HCN2: variants seen among roughly 807,000 people sequenced by gnomAD.
The protein encoded by HCN2 is potassium/sodium hyperpolarization-activated cyclic nucleotide-gated channel 2.
Under a neutral mutation model 52.3 loss-of-function variants are expected in HCN2, and 20 were observed. The ratio of observed to expected loss-of-function variants is 0.38; its 90% CI spans 0.27 to 0.56. The LOEUF (loss-of-function observed/expected upper bound fraction) is 0.56. HCN2 is among the 20% of genes least tolerant of loss of function. The pLI is 0.71. For missense variants in HCN2, 981 were observed against 1,207.7 expected, an observed-to-expected ratio of 0.81 and a Z score of 2.78; for synonymous variants, 694 against 537.0, an observed-to-expected ratio of 1.29 and a Z score of -4.04.
At position 592,602 on chromosome 19, in the gene HCN2, T is replaced by C. The variant is rs1982906723; in HGVS notation, c.632+2025T>C. On this transcript the variant is annotated intron_variant, in intron 1 of 7. Coordinates refer to ENST00000251287, the MANE Select transcript of HCN2 (RefSeq NM_001194.4). This position sits in a 1 kb window ranked among gnomAD's most constrained non-coding sequence, Gnocchi z 4.8. ...GAACTGAGCAGGCAGGGAATGGGGTTAGCGGGGCCTGTCTTCGGGACTAGG... is the reference window on the plus strand; with the variant it reads ...GAACTGAGCAGGCAGGGAATGGGGTCAGCGGGGCCTGTCTTCGGGACTAGG... 6.6e-6 allele frequency among the ~76,000 whole-genome samples: 1 copy of C among 151,722 alleles called. No homozygotes were observed. The highest frequency in any genetic ancestry group is 6.6e-5 in the Admixed American group (1 of 15,230).
chr19:616,454 C>A lies in HCN2; in HGVS notation c.2650C>A (p.Arg884Ser), dbSNP rs1344385887. The A allele has an allele frequency of 1.6e-6, 2 of 1,240,140 alleles. No individual in the cohort carries two copies. Among genetic ancestry groups the A allele is most frequent in the South Asian group, 2.2e-5 (1 of 45,382 alleles). The allele number at this position is 1,240,140 out of a possible 1,614,324, so 76.8% of individuals were successfully genotyped here. A position where few individuals can be genotyped will look rare whatever the true frequency, so the allele number is the denominator to read the frequency against. Residue 884 changes from arginine (R) to serine (S), a missense_variant, in exon 8 of 8, where the codon CGC (arginine) becomes AGC (serine). Transcript: ENST00000251287. The stretch of plus-strand genomic sequence containing the variant: ...GGACCCCCAGGACTCCGCGCGCTCG[C>A]GCCTCTCGTCCAACTTGTGACCCTC... ...GLDPQDSARS[R>S]LSSNL
chr19:614,170 G>C (rs2144534863), intron 7 of HCN2, among the ~76,000 whole-genome samples, 154 bp downstream of exon 7: 1 of 147,474 alleles, frequency 6.8e-6, no homozygotes, highest in South Asian at 2.2e-4. Context: ...AAGGCATCAG[G>C]AGTGTGGCCA....
rs961585316 is a variant in HCN2, at chr19:590,007, GGCCGCC to G, written c.78_83del (p.Pro27_Pro28del). On this transcript the variant is annotated inframe_deletion, in exon 1 of 8. Transcript: ENST00000251287. This position sits in a 1 kb window ranked among gnomAD's most constrained non-coding sequence, Gnocchi z 7.2. ...AGCCCGGGCGCGACCCCCGCGCCGG[GGCCGCC>G]GCCGCCGCCGCCGCCCGCGCCCCCC... 74 of 640,344 alleles carry G rather than the reference GGCCGCC, an allele frequency of 1.2e-4. No individual in the cohort carries two copies. Among genetic ancestry groups the G allele is most frequent in the Middle Eastern group, 8.4e-4 (1 of 1,190 alleles). 39.7% of individuals were successfully genotyped at this position (640,344 alleles called of 1,614,324 possible).
In HCN2 at chr19:592,996, T is replaced by C. The variant is rs1029045951; in HGVS notation, c.632+2419T>C. On this transcript the variant is annotated intron_variant, in intron 1 of 7. Coordinates refer to ENST00000251287, the MANE Select transcript of HCN2 (RefSeq NM_001194.4). This position sits in a 1 kb window ranked among gnomAD's most constrained non-coding sequence, Gnocchi z 4.8. The stretch of plus-strand genomic sequence containing the variant: ...GGTATGAGGGAGAAGGATGGGGTCT[T>C]TCACAGCCTTGCCAGTGTCTCAGCC... Among the ~76,000 whole-genome samples the C allele has an allele frequency of 6.6e-5, 10 of 152,146 alleles. No individual in the cohort carries two copies. Among genetic ancestry groups the C allele is most frequent in the Non-Finnish European group, 1.0e-4 (7 of 68,016 alleles).
chr19:597,998 C>T (rs1186903829), intron 1 of HCN2, among the ~76,000 whole-genome samples: 1 of 152,204 alleles, frequency 6.6e-6, no homozygotes, highest in Non-Finnish European at 1.5e-5. Context: ...TGGTTTTGTC[C>T]CAAGACTGGT....
chr19:615,247 C>A (rs62132645), intron 7 of HCN2, among the ~76,000 whole-genome samples: 1 of 128,330 alleles, frequency 7.8e-6, no homozygotes, highest in Non-Finnish European at 1.8e-5. Context: ...CGGTGGCTCA[C>A]GCCTGTAGTC....
chr19:612,678 G>A (rs968969939), intron 5 of HCN2, among the ~76,000 whole-genome samples: 2 of 151,720 alleles, frequency 1.3e-5, no homozygotes, highest in Non-Finnish European at 2.9e-5. Flanking sequence ...GCCTCCCAGA[G>A]TGCTGGGATT....
chr19:610,955 C>A (rs559468946), intron 5 of HCN2, among the ~76,000 whole-genome samples: 1 of 152,178 alleles, frequency 6.6e-6, no homozygotes, highest in African/African-American at 2.4e-5. Context: ...CTGCCTCTTC[C>A]GGCGTCTGGG....
Position 613,994 on chromosome 19 carries a change from C to G in HCN2, c.1968C>G (p.Ala656=). The change falls in exon 7 of 8, where the codon GCC becomes GCG. Residue 656 remains alanine (A), a synonymous_variant. Coordinates refer to ENST00000251287, the MANE Select transcript of HCN2 (RefSeq NM_001194.4). ...TGCGGCGCGCCTTCGAGACGGTGGC[C>G]ATCGACCGCCTGGACCGCATCGGTG... is the stretch of plus-strand genomic sequence containing the variant. The part of the protein sequence containing the change: ...PMMRRAFETV[A]IDRLDRIGKK... 1 of 1,241,454 alleles carries G rather than the reference C, an allele frequency of 8.1e-7. No homozygotes were observed. The highest frequency in any genetic ancestry group is 1.4e-5 in the South Asian group (1 of 72,840). 76.9% of individuals were successfully genotyped at this position (1,241,454 alleles called of 1,614,324 possible). A position where few individuals can be genotyped will look rare whatever the true frequency, so the allele number is the denominator to read the frequency against.
Position 590,087 on chromosome 19 carries a change from G to A in HCN2, c.142G>A (p.Gly48Arg), listed in dbSNP as rs1600512403. ...GCCGCCCGCGCCCCCCCCGGGCCCCGGGCCCGCGCCCCCCCAGCACCCGCC... is the reference window on the plus strand; with the variant it reads ...GCCGCCCGCGCCCCCCCCGGGCCCCAGGCCCGCGCCCCCCCAGCACCCGCC... Reference protein sequence around the residue: ...PPPPAPPPGPGPAPPQHPPRA... With the variant: ...PPPPAPPPGPRPAPPQHPPRA... Residue 48 changes from glycine to arginine, a missense_variant, in exon 1 of 8, where the codon GGG (glycine) becomes AGG (arginine). Transcript: ENST00000251287. The surrounding 1 kb of genome is among the most constrained non-coding windows in gnomAD (Gnocchi z 7.2). The A allele has an allele frequency of 3.1e-6, 2 of 652,932 alleles. No individual in the cohort carries two copies. The highest frequency in any genetic ancestry group is 3.7e-6 in the Non-Finnish European group (2 of 536,554). 40.4% of individuals were successfully genotyped at this position (652,932 alleles called of 1,614,324 possible). A position where few individuals can be genotyped will look rare whatever the true frequency, so the allele number is the denominator to read the frequency against.
intron 5 of HCN2, among the ~76,000 whole-genome samples, chr19:610,870 T>C (rs1399328903): frequency 2.0e-5 from 3 of 152,160 alleles, no homozygotes; most frequent in Middle Eastern, 3.2e-3. Flanking sequence ...CCCACCGTCC[T>C]GGAGGCCGGA....
At chr19:594,934 C>T (rs1982979282) in intron 1 of HCN2, among the ~76,000 whole-genome samples, 1 of 152,166 alleles carries the variant, frequency 6.6e-6, no homozygotes, top group Non-Finnish European at 1.5e-5. Flanking sequence ...GGCACTGTGG[C>T]TCATGCCTGT....
chr19:590,771 G>A lies in HCN2; in HGVS notation c.632+194G>A. On this transcript the variant is annotated intron_variant, in intron 1 of 7. Transcript: ENST00000251287. The surrounding 1 kb of genome is among the most constrained non-coding windows in gnomAD (Gnocchi z 7.2). ...CGCGCGAGGCTCCGCCTCTGGGGGGGCTCCCCGGGTGACCGCGGAGCGCCC... is the reference window on the plus strand; with the variant it reads ...CGCGCGAGGCTCCGCCTCTGGGGGGACTCCCCGGGTGACCGCGGAGCGCCC... 1 of 329,978 alleles carries A rather than the reference G, an allele frequency of 3.0e-6. No homozygotes were observed. 20.4% of individuals were successfully genotyped at this position (329,978 alleles called of 1,614,324 possible).
chr19:607,494 G>A (rs902251786), intron 3 of HCN2, among the ~76,000 whole-genome samples: 74 of 152,230 alleles, frequency 4.9e-4, no homozygotes, highest in African/African-American at 1.6e-3. Flanking sequence ...GCTGCCACCC[G>A]CACATGCGGT....
chr19:612,917 C>T (rs998466247), intron 5 of HCN2, among the ~76,000 whole-genome samples: 6 of 151,794 alleles, frequency 4.0e-5, no homozygotes, highest in South Asian at 2.1e-4. Flanking sequence ...TGGGCTCAAG[C>T]GATCCTCCCG....
At chr19:614,615 G>A (rs549521405) in intron 7 of HCN2, among the ~76,000 whole-genome samples, 21 of 152,288 alleles carry the variant, frequency 1.4e-4, no homozygotes, top group Admixed American at 4.6e-4. Context: ...AGAGTCCAGA[G>A]AGCCAGGGAG....
chr19:605,316 C>T (rs116852794), intron 3 of HCN2, 94 bp downstream of exon 3: 1 of 1,109,864 alleles, frequency 9.0e-7, no homozygotes, highest in Non-Finnish European at 1.2e-6. Flanking sequence ...AGGGTTGAAC[C>T]CAAGCCTTTC....
intron 1 of HCN2, among the ~76,000 whole-genome samples, chr19:595,548 C>T (rs1983002597): frequency 6.6e-6 from 1 of 152,204 alleles, no homozygotes; most frequent in Admixed American, 6.5e-5. Context: ...CCACTGCCCT[C>T]CCCTCACCAT....
chr19:617,027 G>A lies in HCN2; in HGVS notation c.*553G>A, dbSNP rs1248102304. The A allele has an allele frequency of 1.9e-6, 1 of 528,668 alleles. No homozygotes were observed. 32.7% of individuals were successfully genotyped at this position (528,668 alleles called of 1,614,324 possible). On this transcript the variant is annotated 3_prime_UTR_variant, in exon 8 of 8. Coordinates refer to ENST00000251287, the MANE Select transcript of HCN2 (RefSeq NM_001194.4). Reference sequence around the variant, plus strand: ...CAGGCCTGGCTGCGCAGGGCGCGGGGGGGAGGCTGGGGTCCCGCCGCCGTG... The same window carrying A: ...CAGGCCTGGCTGCGCAGGGCGCGGGAGGGAGGCTGGGGTCCCGCCGCCGTG...
Sources: allele counts gnomAD v4.1 joint callset (sites outside exome capture counted in the v4.1 genomes callset), GRCh38; gene constraint gnomAD v4.1.1; non-coding constraint Gnocchi (gnomAD v3.1); transcripts MANE v1.5; gene names NCBI Gene and HGNC (gene_info 2026-07-23, HGNC 2026-07-21).